MACF1: variants seen among roughly 807,000 people sequenced by gnomAD.
MACF1 encodes the protein microtubule-actin cross-linking factor 1.
In MACF1, 193 loss-of-function variants were observed where a neutral mutation model predicts 854.8. The ratio of observed to expected loss-of-function variants is 0.23; its 90% CI spans 0.20 to 0.25. MACF1 has a LOEUF of 0.25. MACF1 is among the 10% of genes least tolerant of loss of function. The pLI is 1.00. For synonymous variants in MACF1, 3,185 were observed against 3,226.7 expected, an observed-to-expected ratio of 0.99 and a Z score of 0.44; for missense variants, 7,722 against 8,929.1, an observed-to-expected ratio of 0.86 and a Z score of 5.45.
rs531764862 is a variant in MACF1, at chr1:39,455,906, C to T, written c.21075+809C>T. ...CAAGCGTGAATGTTGATTAGTTATA[C>T]TGTAGACTATATGGTCTTTTTAGTT... On this transcript the variant is annotated intron_variant, in intron 89 of 100. Transcript: ENST00000564288. Among the ~76,000 whole-genome samples the T allele has an allele frequency of 6.6e-5, 10 of 152,330 alleles. No homozygotes were observed. In the East Asian group the frequency reaches 1.9e-3, roughly 29 times the overall value.
chr1:39,365,882 G>A (rs1277200477), intron 49 of MACF1, among the ~76,000 whole-genome samples: 1 of 151,972 alleles, frequency 6.6e-6, no homozygotes, highest in Admixed American at 6.6e-5. Context: ...CACCATGTTG[G>A]CCAGGCTGGT....
intron 51 of MACF1, among the ~76,000 whole-genome samples, chr1:39,371,536 A>G (rs61779280): frequency 6.6e-6 from 1 of 152,102 alleles, no homozygotes; most frequent in African/African-American, 2.4e-5. Flanking sequence ...AAATCCTACA[A>G]CTATGGCAGG....
chr1:39,265,375 C>T (rs1280780094), intron 6 of MACF1, among the ~76,000 whole-genome samples: 1 of 151,890 alleles, frequency 6.6e-6, no homozygotes, highest in African/African-American at 2.4e-5. Flanking sequence ...AATGTATAGG[C>T]CTCAAAGTGT....
chr1:39,479,232 C>T (rs192182984), intron 97 of MACF1, among the ~76,000 whole-genome samples: 1 of 152,190 alleles, frequency 6.6e-6, no homozygotes, highest in Admixed American at 6.5e-5. Flanking sequence ...ATCTCTTTCT[C>T]TCTCCCCACC....
At chr1:39,228,499 G>T (rs1223496248) in intron 1 of MACF1, among the ~76,000 whole-genome samples, 1 of 152,154 alleles carries the variant, frequency 6.6e-6, no homozygotes, top group South Asian at 2.1e-4. Flanking sequence ...CACGGGCTTG[G>T]AAAGGTTGAT....
chr1:39,355,013 A>G (rs1044670931), intron 44 of MACF1, among the ~76,000 whole-genome samples: 5 of 152,230 alleles, frequency 3.3e-5, no homozygotes, highest in Non-Finnish European at 7.3e-5. Context: ...AGAAGATTAC[A>G]TATTTAGGAC....
chr1:39,416,757 G>A lies in MACF1; in HGVS notation c.15817-5617G>A, dbSNP rs550989105. Among the ~76,000 whole-genome samples the A allele has an allele frequency of 2.6e-5, 4 of 152,270 alleles. No homozygotes were observed. The South Asian group carries it at 8.3e-4, about 32-fold the overall frequency. On this transcript the variant is annotated intron_variant, in intron 58 of 100. Coordinates refer to ENST00000564288, the MANE Select transcript of MACF1 (RefSeq NM_001394062.1). ...TAAATGACAGGAGAAGGAAATGGTAGCCCAGCTGCAAAGTTGTCCATCTTT... is the reference window on the plus strand; with the variant it reads ...TAAATGACAGGAGAAGGAAATGGTAACCCAGCTGCAAAGTTGTCCATCTTT...
chr1:39,155,204 C>T (rs1441114263), intron 2 of MACF1, among the ~76,000 whole-genome samples: 3 of 152,204 alleles, frequency 2.0e-5, no homozygotes, highest in Non-Finnish European at 2.9e-5. Flanking sequence ...GGAACCATCA[C>T]TCATTCCATA....
At chr1:39,142,537 T>C (rs1292127001) in intron 2 of MACF1, among the ~76,000 whole-genome samples, 3 of 152,022 alleles carry the variant, frequency 2.0e-5, no homozygotes, top group Non-Finnish European at 4.4e-5. Flanking sequence ...AAGAAAATAT[T>C]TGGGGGAAGG....
At position 39,370,041 on chromosome 1, in the gene MACF1, C is replaced by A; in HGVS notation, c.12950C>A (p.Ala4317Glu). Reference protein sequence around the residue: ...QKTVKEREKDASSCQEQLDEF... With the variant: ...QKTVKEREKDESSCQEQLDEF... ...TGCTTCATTGACAGAGAGAAAGATG[C>A]ATCATCTTGCCAGGAACAGTTGGAT... The change falls in exon 51 of 101, where the codon GCA becomes GAA. Residue 4317 changes from alanine (A) to glutamate (E), a missense_variant. Coordinates refer to ENST00000564288, the MANE Select transcript of MACF1 (RefSeq NM_001394062.1). 2.5e-6 allele frequency: 4 copies of A among 1,610,168 alleles called. No homozygotes were observed. The highest frequency in any genetic ancestry group is 3.4e-6 in the Non-Finnish European group (4 of 1,178,742).
In MACF1 at chr1:39,333,637, T is replaced by C. The variant is rs141135738; in HGVS notation, c.7049T>C (p.Ile2350Thr). Reference sequence around the variant, plus strand: ...GAGTCTTTGACAACTGAAGAAGTCATTAATGAAGGTCTGATGGATGAGAAA... The same window carrying C: ...GAGTCTTTGACAACTGAAGAAGTCACTAATGAAGGTCTGATGGATGAGAAA... ...TCESLTTEEV[I>T]NEGLMDEKLL... Residue 2350 changes from isoleucine to threonine, a missense_variant, in exon 37 of 101, where the codon ATT (isoleucine) becomes ACT (threonine). Around this residue, in one of 15 missense-constraint regions of MACF1, gnomAD observed 1,531 missense variants for 1,601.6 expected, o/e 0.96. Coordinates refer to ENST00000564288, the MANE Select transcript of MACF1 (RefSeq NM_001394062.1). 40 of 1,614,086 alleles carry C rather than the reference T, an allele frequency of 2.5e-5. No homozygotes were observed. The African/African-American group carries it at 2.8e-4, about 11-fold the overall frequency.
intron 3 of MACF1, 41 bp downstream of exon 3, chr1:39,250,144 A>G (rs1645024135): frequency 7.4e-7 from 1 of 1,360,314 alleles, no homozygotes; most frequent in Non-Finnish European, 1.1e-6. Flanking sequence ...TTGTGGCCCT[A>G]CAAATGACAT....
rs1274456569 is a variant in MACF1, at chr1:39,432,595, G to T, written c.17398G>T (p.Ala5800Ser). Reference protein sequence around the residue: ...WVAETKRKLMALGPIRLEQDQ... With the variant: ...WVAETKRKLMSLGPIRLEQDQ... ...TGCTGAAACAAAACGGAAACTGATGGCTCTGGGTCCAATTCGCCTGGAACA... is the reference window on the plus strand; with the variant it reads ...TGCTGAAACAAAACGGAAACTGATGTCTCTGGGTCCAATTCGCCTGGAACA... The change falls in exon 67 of 101, where the codon GCT (alanine) becomes TCT (serine). Residue 5800 changes from alanine to serine, a missense_variant. Physicochemically the swap from Ala to Ser is moderately conservative, Grantham distance 99. Coordinates refer to ENST00000564288, the MANE Select transcript of MACF1 (RefSeq NM_001394062.1). 1.9e-6 allele frequency: 3 copies of T among 1,613,998 alleles called. No homozygotes were observed. The Admixed American group carries it at 5.0e-5, about 27-fold the overall frequency.
intron 6 of MACF1, among the ~76,000 whole-genome samples, chr1:39,270,747 G>A (rs1645300282): frequency 6.6e-6 from 1 of 152,156 alleles, no homozygotes; most frequent in South Asian, 2.1e-4. Context: ...GCCTAGATGG[G>A]GGCCACTGAT....
rs368812425 is a variant in MACF1 at position 39,300,165 on chromosome 1, G to C, written c.2482-45G>C. 1.9e-6 allele frequency: 3 copies of C among 1,600,004 alleles called. No homozygotes were observed. In the African/African-American group the frequency reaches 4.0e-5, roughly 21 times the overall value. On this transcript the variant is annotated intron_variant, in intron 21 of 100. Transcript: ENST00000564288. ...TTTTCTTTGTTGACTTAGTCACCCTGAGTAGCAGCATTAATGTCATTTTGT... is the reference window on the plus strand; with the variant it reads ...TTTTCTTTGTTGACTTAGTCACCCTCAGTAGCAGCATTAATGTCATTTTGT...
In MACF1 at chr1:39,106,921, G is replaced by T. The variant is rs1274076519; in HGVS notation, c.220+22483G>T. ...GTTTTTGCTTGTTCCCTCTGCATCA[G>T]CTCCTGTAAACTGTCCAGCTTTTCC... On this transcript the variant is annotated intron_variant, in intron 2 of 93. Coordinates refer to the MACF1 transcript ENST00000361689. 3.3e-5 allele frequency among the ~76,000 whole-genome samples: 5 copies of T among 151,686 alleles called. No homozygotes were observed. In the East Asian group the frequency reaches 9.7e-4, roughly 29 times the overall value.
rs972725617 is a variant in MACF1, at chr1:39,394,447, C to T, written c.15816+5789C>T. ...GACGAGCCTGGCCAAGATGGTGAAACCCTGTATCTACTAAAAATACAAAAA... is the reference window on the plus strand; with the variant it reads ...GACGAGCCTGGCCAAGATGGTGAAATCCTGTATCTACTAAAAATACAAAAA... On this transcript the variant is annotated intron_variant, in intron 58 of 100. Transcript: ENST00000564288. Among the ~76,000 whole-genome samples, 6 of 152,102 alleles carry T rather than the reference C, an allele frequency of 3.9e-5. No homozygotes were observed. The South Asian group carries it at 1.0e-3, about 26-fold the overall frequency.
At chr1:39,226,421 A>G (rs1258158762) in intron 1 of MACF1, among the ~76,000 whole-genome samples, 2 of 151,272 alleles carry the variant, frequency 1.3e-5, no homozygotes, top group African/African-American at 4.9e-5. Context: ...GCTCACTGCA[A>G]CCTCCGCCTC....
chr1:39,346,876 C>A, intron 40 of MACF1, 101 bp from the exon 41 acceptor site: 1 of 773,788 alleles, frequency 1.3e-6, no homozygotes, highest in Non-Finnish European at 2.2e-6. Context: ...TATGAAAATA[C>A]AGGAAATTAG....
Sources: gnomAD v4.1 joint callset for allele counts (sites outside exome capture counted in the v4.1 genomes callset) on GRCh38, gnomAD v4.1.1 for gene constraint, gnomAD v4.1.1 regional missense constraint, MANE v1.5 for transcripts, NCBI Gene and HGNC (gene_info 2026-07-23, HGNC 2026-07-21) for gene names.